The following EXOC6 variants were observed in gnomAD, a reference collection of about 807,000 sequenced individuals.
EXOC6 encodes the protein exocyst complex component 6, also known as SEC15-like 1.
A neutral mutation model predicts 112.5 loss-of-function variants in EXOC6; 60 were observed. The observed-to-expected ratio is 0.53, with a 90% confidence interval of 0.43 to 0.66. The LOEUF is 0.66. EXOC6 is among the 30% of genes least tolerant of loss of function. The probability of loss-of-function intolerance (pLI) is 0.00; values close to 1 mark genes in which losing one functional copy is unlikely to be tolerated. For missense variants in EXOC6, 855 were observed against 957.1 expected, an observed-to-expected ratio of 0.89 and a Z score of 1.41; for synonymous variants, 295 against 308.0, an observed-to-expected ratio of 0.96 and a Z score of 0.44.
intron 12 of EXOC6, among the ~76,000 whole-genome samples, chr10:92,937,222 A>C (rs1449582966): frequency 6.6e-6 from 1 of 152,136 alleles, no homozygotes; most frequent in African/African-American, 2.4e-5. Context: ...AGCATTTTCC[A>C]AAGTGTGATA....
intron 1 of EXOC6, among the ~76,000 whole-genome samples, chr10:92,880,881 G>A (rs181973851): frequency 6.6e-6 from 1 of 152,224 alleles, no homozygotes; most frequent in African/African-American, 2.4e-5. Flanking sequence ...GAATTATCCT[G>A]GGAAATATTT....
intron 6 of EXOC6, among the ~76,000 whole-genome samples, chr10:92,910,097 C>A (rs1471180510): frequency 1.3e-5 from 2 of 152,174 alleles, no homozygotes; most frequent in African/African-American, 4.8e-5. Flanking sequence ...GTTAGGAAGT[C>A]AATATATCTA....
At chr10:92,990,257 A>G (rs1435234641) in intron 18 of EXOC6, among the ~76,000 whole-genome samples, 1 of 152,136 alleles carries the variant, frequency 6.6e-6, no homozygotes, top group Non-Finnish European at 1.5e-5. Flanking sequence ...CCTTTTAGAC[A>G]TTTACTAAGT....
chr10:92,835,663 C>G (rs1846637116), intron 1 of EXOC6, among the ~76,000 whole-genome samples: 1 of 152,130 alleles, frequency 6.6e-6, no homozygotes, highest in Non-Finnish European at 1.5e-5. Flanking sequence ...TCTAAATCCA[C>G]TAAAGTTTAA....
rs565904813 is a variant in EXOC6, at chr10:92,947,106, A to G, written c.1311-1168A>G. Among the ~76,000 whole-genome samples the G allele has an allele frequency of 3.3e-5, 5 of 152,348 alleles. No homozygotes were observed. In the South Asian group the frequency reaches 1.0e-3, roughly 32 times the overall value. ...ATCAAAATTATTTAATTAAAAGGAA[A>G]TCAATGATTGGATGACAGTTACGTT... On this transcript the variant is annotated intron_variant, in intron 13 of 21. Transcript: ENST00000260762.
At chr10:92,877,268 G>A (rs185015608) in intron 1 of EXOC6, among the ~76,000 whole-genome samples, 1 of 151,696 alleles carries the variant, frequency 6.6e-6, no homozygotes, top group East Asian at 1.9e-4. Flanking sequence ...ACTGAAAGAC[G>A]ATTTGTGCAG....
chr10:92,930,316 A>T (rs1851955807), intron 9 of EXOC6, among the ~76,000 whole-genome samples: 1 of 151,950 alleles, frequency 6.6e-6, no homozygotes, highest in African/African-American at 2.4e-5. Context: ...CAGCCTGGCC[A>T]ACATGGTGAA....
chr10:92,887,732 G>C (rs370933274), intron 1 of EXOC6, among the ~76,000 whole-genome samples: 1 of 152,116 alleles, frequency 6.6e-6, no homozygotes, highest in African/African-American at 2.4e-5. Context: ...GCGCTTGCTT[G>C]CTGGCTTTTA....
At chr10:92,967,209 G>C (rs4314975) in intron 17 of EXOC6, among the ~76,000 whole-genome samples, 14,338 of 151,758 alleles carry the variant, frequency 0.094, 756 homozygotes, top group Admixed American at 0.17. Flanking sequence ...AGATGAGTAG[G>C]TTGCAAAAAT....
At chr10:92,986,585 A>G (rs1044108205) in intron 18 of EXOC6, among the ~76,000 whole-genome samples, 2 of 151,482 alleles carry the variant, frequency 1.3e-5, no homozygotes, top group African/African-American at 4.9e-5. Context: ...AGTCTAGGCG[A>G]TACTGGAAGT....
At chr10:92,976,691 A>C (rs994473886) in intron 18 of EXOC6, among the ~76,000 whole-genome samples, 8 of 151,488 alleles carry the variant, frequency 5.3e-5, no homozygotes, top group Admixed American at 2.7e-4. Context: ...AAAAAAAAAA[A>C]CATAATTAAT....
At chr10:93,052,399 T>G (rs1403047913) in intron 20 of EXOC6, among the ~76,000 whole-genome samples, 1 of 152,212 alleles carries the variant, frequency 6.6e-6, no homozygotes, top group African/African-American at 2.4e-5. Context: ...TCAACTATTT[T>G]GAGCATATAA....
At chr10:93,014,291 C>A in intron 20 of EXOC6, 24 bp downstream of exon 20, 3 of 1,573,868 alleles carry the variant, frequency 1.9e-6, no homozygotes, top group South Asian at 2.2e-5. Context: ...ATGTACTTCC[C>A]ATTTGTTGCC....
chr10:92,898,701 T>C (rs2133835368), intron 4 of EXOC6, among the ~76,000 whole-genome samples: 1 of 152,218 alleles, frequency 6.6e-6, no homozygotes, highest in East Asian at 1.9e-4. Context: ...GAGATATACA[T>C]AGGGTCCTGT....
chr10:92,960,379 G>A (rs1427198034), intron 17 of EXOC6, among the ~76,000 whole-genome samples: 2 of 152,128 alleles, frequency 1.3e-5, no homozygotes, highest in Non-Finnish European at 2.9e-5. Context: ...ACTAAGTGAA[G>A]CACAGAGGAT....
chr10:92,919,425 T>C (rs1462126678), intron 7 of EXOC6, among the ~76,000 whole-genome samples: 2 of 152,220 alleles, frequency 1.3e-5, no homozygotes, highest in African/African-American at 2.4e-5. Flanking sequence ...ATTTCATCAA[T>C]TGTAAGGCAT....
chr10:92,930,410 G>A (rs1851961431), intron 9 of EXOC6, among the ~76,000 whole-genome samples: 3 of 152,096 alleles, frequency 2.0e-5, no homozygotes, highest in Non-Finnish European at 4.4e-5. Context: ...GGCTGAGGCA[G>A]GAGAATCACT....
intron 20 of EXOC6, among the ~76,000 whole-genome samples, chr10:93,030,970 A>G (rs192187994): frequency 6.6e-6 from 1 of 152,336 alleles, no homozygotes; most frequent in East Asian, 1.9e-4. Flanking sequence ...AGAAAACAGT[A>G]TTACTATTTA....
At chr10:92,987,797 G>A (rs953504917) in intron 18 of EXOC6, among the ~76,000 whole-genome samples, 5 of 152,026 alleles carry the variant, frequency 3.3e-5, no homozygotes, top group Non-Finnish European at 5.9e-5. Flanking sequence ...AAATTTGAAG[G>A]TAATATTAGT....
Sources: gnomAD v4.1 joint callset for allele counts (sites outside exome capture counted in the v4.1 genomes callset) on GRCh38, gnomAD v4.1.1 for gene constraint, MANE v1.5 for transcripts, NCBI Gene and HGNC (gene_info 2026-07-23, HGNC 2026-07-21) for gene names.